Variants in AFP observed in about 807,000 individuals in gnomAD.
AFP encodes alpha-fetoprotein.
AFP carries 64 observed loss-of-function variants against 78.9 expected under a neutral mutation model. That is an observed-to-expected ratio of 0.81 (90% CI 0.66 to 1.00). The LOEUF is 1.00. AFP is among the 50% of genes least tolerant of loss of function. AFP has a pLI of 0.00. For missense variants in AFP, 689 were observed against 703.8 expected, an observed-to-expected ratio of 0.98 and a Z score of 0.24; for synonymous variants, 254 against 243.8, an observed-to-expected ratio of 1.04 and a Z score of -0.39.
chr4:73,449,669 C>T (rs1183068421), intron 9 of AFP, among the ~76,000 whole-genome samples: 1 of 152,158 alleles, frequency 6.6e-6, no homozygotes, highest in Non-Finnish European at 1.5e-5. Flanking sequence ...GCTTCTCAGC[C>T]TTTTGGCTAA....
At position 73,442,293 on chromosome 4, in the gene AFP, C is replaced by T; in HGVS notation, c.483-3C>T. Reference sequence around the variant, plus strand: ...AATCTTCTAGCTCTATTTTATTTCACAGATTCATTTATGAGATAGCAAGAA... The same window carrying T: ...AATCTTCTAGCTCTATTTTATTTCATAGATTCATTTATGAGATAGCAAGAA... On this transcript the variant is annotated splice_polypyrimidine_tract_variant and splice_region_variant and intron_variant, in intron 4 of 14. Transcript: ENST00000395792. 5.0e-6 allele frequency: 8 copies of T among 1,613,008 alleles called. No homozygotes were observed. The highest frequency in any genetic ancestry group is 6.8e-6 in the Non-Finnish European group (8 of 1,179,374).
exon 15 of AFP, chr4:73,456,167 ATAAT>A (rs555927137): frequency 4.2e-3 from 644 of 152,730 alleles, 3 homozygotes; most frequent in Non-Finnish European, 6.2e-3. Flanking sequence ...TTGATTGAAT[ATAAT>A]TAATGTTTTC....
At chr4:73,445,235 C>T in intron 7 of AFP, 113 bp downstream of exon 7, 1 of 1,261,214 alleles carries the variant, frequency 7.9e-7, no homozygotes, top group Non-Finnish European at 1.1e-6. Flanking sequence ...AGTATGTAAA[C>T]TAGGTGACTC....
intron 11 of AFP, among the ~76,000 whole-genome samples, chr4:73,451,728 A>G (rs1026252131): frequency 6.6e-6 from 1 of 152,214 alleles, no homozygotes; most frequent in Non-Finnish European, 1.5e-5. Context: ...TACAAATTAT[A>G]CCACCCTCAT....
rs1720132721 is a variant in AFP, at chr4:73,455,518, T to C, written c.*11-113T>C. 6.2e-6 allele frequency: 4 copies of C among 647,488 alleles called. No homozygotes were observed. In the East Asian group the frequency reaches 1.1e-4, roughly 18 times the overall value. The allele number at this position is 647,488 out of a possible 1,614,324, so 40.1% of individuals were successfully genotyped here. A position where few individuals can be genotyped will look rare whatever the true frequency, so the allele number is the denominator to read the frequency against. On this transcript the variant is annotated intron_variant, in intron 14 of 14. Transcript: ENST00000395792. ...ATTTAAAAGACTTCAACAAATGCTA[T>C]CAGAAGACTTTCCTACGTATCCAAT...
rs1577956268 is a variant in AFP at position 73,447,326 on chromosome 4, C to G, written c.844-136C>G. Reference sequence around the variant, plus strand: ...TCTCTATTTCCCTTTCCCCTTCCTTCTTTCCTGGCCTTTTTTCCTTCTTTC... The same window carrying G: ...TCTCTATTTCCCTTTCCCCTTCCTTGTTTCCTGGCCTTTTTTCCTTCTTTC... On this transcript the variant is annotated intron_variant, in intron 7 of 14. Coordinates refer to ENST00000395792, the MANE Select transcript of AFP (RefSeq NM_001134.3). 8 of 554,956 alleles carry G rather than the reference C, an allele frequency of 1.4e-5. 1 individual carries two copies. The South Asian group carries it at 2.1e-4, about 15-fold the overall frequency. The allele number at this position is 554,956 out of a possible 1,614,324, so 34.4% of individuals were successfully genotyped here. A position where few individuals can be genotyped will look rare whatever the true frequency, so the allele number is the denominator to read the frequency against.
chr4:73,454,890 C>G (rs1225808585), intron 13 of AFP, among the ~76,000 whole-genome samples: 2 of 152,040 alleles, frequency 1.3e-5, no homozygotes, highest in Admixed American at 1.3e-4. Flanking sequence ...GTTCTCTAAT[C>G]TGAGAAGACA....
chr4:73,437,020 G>C, intron 1 of AFP, 140 bp from the exon 2 acceptor site: 1 of 665,446 alleles, frequency 1.5e-6, no homozygotes. Context: ...ATAAAATTAA[G>C]ATGCTTAGGT....
chr4:73,436,233 C>A lies in AFP; in HGVS notation c.-30C>A. On this transcript the variant is annotated 5_prime_UTR_variant, in exon 1 of 15. Transcript: ENST00000395792. Reference sequence around the variant, plus strand: ...CATGATTTTCCATATTGTGCTTCCACCACTGCCAATAACAAAATAACTAGC... The same window carrying A: ...CATGATTTTCCATATTGTGCTTCCAACACTGCCAATAACAAAATAACTAGC... 1 of 1,437,206 alleles carries A rather than the reference C, an allele frequency of 7.0e-7. No homozygotes were observed. 89.0% of individuals were successfully genotyped at this position (1,437,206 alleles called of 1,614,324 possible).
Position 73,436,231 on chromosome 4 carries a change from C to A in AFP, c.-32C>A. Reference sequence around the variant, plus strand: ...AGCATGATTTTCCATATTGTGCTTCCACCACTGCCAATAACAAAATAACTA... The same window carrying A: ...AGCATGATTTTCCATATTGTGCTTCAACCACTGCCAATAACAAAATAACTA... On this transcript the variant is annotated 5_prime_UTR_variant, in exon 1 of 15. Coordinates refer to ENST00000395792, the MANE Select transcript of AFP (RefSeq NM_001134.3). 7.0e-7 allele frequency: 1 copy of A among 1,421,036 alleles called. No individual in the cohort carries two copies. Among genetic ancestry groups the A allele is most frequent in the Non-Finnish European group, 9.9e-7 (1 of 1,006,826 alleles). The allele number at this position is 1,421,036 out of a possible 1,614,324, so 88.0% of individuals were successfully genotyped here.
At chr4:73,453,121 A>G (rs1371399992) in intron 12 of AFP, among the ~76,000 whole-genome samples, 1 of 152,200 alleles carries the variant, frequency 6.6e-6, no homozygotes, top group Non-Finnish European at 1.5e-5. Context: ...ATGGTCATGC[A>G]AGTCAATGGA....
At chr4:73,438,136 G>T (rs766269867) in intron 2 of AFP, 38 bp from the exon 3 acceptor site, 35 of 1,612,134 alleles carry the variant, frequency 2.2e-5, no homozygotes, top group Non-Finnish European at 2.8e-5. Context: ...CTTGCTGCAG[G>T]TCTGTTCCTT....
chr4:73,447,984 T>C (rs1270563489), intron 8 of AFP, among the ~76,000 whole-genome samples: 1 of 152,118 alleles, frequency 6.6e-6, no homozygotes, highest in African/African-American at 2.4e-5. Flanking sequence ...ATTACTCATA[T>C]CAAGGCCACC....
chr4:73,438,160 T>G lies in AFP; in HGVS notation c.138-14T>G, dbSNP rs370760629. ...GGTCTGTTCCTTAAGGATTCACACG[T>G]ATTTTTGTTTCAGGGCTACCATATT... On this transcript the variant is annotated splice_polypyrimidine_tract_variant and intron_variant, in intron 2 of 14. Coordinates refer to ENST00000395792, the MANE Select transcript of AFP (RefSeq NM_001134.3). 1.7e-5 allele frequency: 28 copies of G among 1,613,016 alleles called. No individual in the cohort carries two copies. The highest frequency in any genetic ancestry group is 2.4e-5 in the Non-Finnish European group (28 of 1,179,260).
At chr4:73,443,679 T>G (rs1335873087) in intron 6 of AFP, among the ~76,000 whole-genome samples, 1 of 152,176 alleles carries the variant, frequency 6.6e-6, no homozygotes, top group East Asian at 1.9e-4. Context: ...AAAAGACTTT[T>G]AAAGTTTATG....
chr4:73,441,214 C>A (rs1352906806), intron 4 of AFP, among the ~76,000 whole-genome samples: 1 of 152,002 alleles, frequency 6.6e-6, no homozygotes, highest in Non-Finnish European at 1.5e-5. Context: ...AGTTAGAGAT[C>A]CAAGCATGGT....
Position 73,437,188 on chromosome 4 carries a change from T to C in AFP, c.114T>C (p.Thr38=). The part of the protein sequence containing the change: ...IASILDSYQC[T]AEISLADLAT... ...CCATATTGGATTCTTACCAATGTAC[T>C]GCAGAGATAAGTTTAGCTGACCTGT... The change falls in exon 2 of 15, where the codon ACT becomes ACC. Residue 38 remains threonine (T), a synonymous_variant. Coordinates refer to ENST00000395792, the MANE Select transcript of AFP (RefSeq NM_001134.3). 3 of 1,611,378 alleles carry C rather than the reference T, an allele frequency of 1.9e-6. No individual in the cohort carries two copies. Among genetic ancestry groups the C allele is most frequent in the Non-Finnish European group, 1.7e-6 (2 of 1,177,938 alleles).
chr4:73,436,594 A>G (rs1719511991), intron 1 of AFP, among the ~76,000 whole-genome samples: 1 of 151,662 alleles, frequency 6.6e-6, no homozygotes, highest in Non-Finnish European at 1.5e-5. Context: ...TTACACTTCA[A>G]TGGTATGCAT....
In AFP at chr4:73,438,245, C is replaced by T. The variant is rs367831004; in HGVS notation, c.209C>T (p.Ala70Val). ...YKEVSKMVKD[A>V]LTAIEKPTGD... Reference sequence around the variant, plus strand: ...GAAGTAAGCAAAATGGTGAAAGATGCATTGACTGCAATTGAGAAACCCACT... The same window carrying T: ...GAAGTAAGCAAAATGGTGAAAGATGTATTGACTGCAATTGAGAAACCCACT... Residue 70 changes from alanine (A) to valine (V), a missense_variant, in exon 3 of 15, where the codon GCA (alanine) becomes GTA (valine). Physicochemically the swap from Ala to Val is moderately conservative, Grantham distance 64. Coordinates refer to ENST00000395792, the MANE Select transcript of AFP (RefSeq NM_001134.3). 3.7e-6 allele frequency: 6 copies of T among 1,613,464 alleles called. No individual in the cohort carries two copies. Among genetic ancestry groups the T allele is most frequent in the South Asian group, 1.1e-5 (1 of 91,050 alleles).
Sources: gnomAD v4.1 joint callset for allele counts (sites outside exome capture counted in the v4.1 genomes callset) on GRCh38, gnomAD v4.1.1 for gene constraint, MANE v1.5 for transcripts, NCBI Gene and HGNC (gene_info 2026-07-23, HGNC 2026-07-21) for gene names.